Variants in CSMD3 observed in about 807,000 individuals in gnomAD.
The protein encoded by CSMD3 is CUB and Sushi multiple domains 3.
CSMD3 carries 177 observed loss-of-function variants against 435.2 expected under a neutral mutation model. The observed-to-expected ratio is 0.41, with a 90% CI of 0.36 to 0.46. The LOEUF (loss-of-function observed/expected upper bound fraction) is 0.46. Ranked by LOEUF, CSMD3 falls within the 20% of genes least tolerant of loss-of-function variation. The pLI, the probability that CSMD3 is intolerant of heterozygous loss-of-function variation, is 0.34. For synonymous variants in CSMD3, 1,656 were observed against 1,520.5 expected, an observed-to-expected ratio of 1.09 and a Z score of -2.07; for missense variants, 4,265 against 4,504.6, an observed-to-expected ratio of 0.95 and a Z score of 1.52.
chr8:112,254,081 T>G (rs1815547315), intron 63 of CSMD3, among the ~76,000 whole-genome samples, 172 bp downstream of exon 63: 1 of 152,044 alleles, frequency 6.6e-6, no homozygotes, highest in African/African-American at 2.4e-5. Flanking sequence ...AAAAAAATTT[T>G]TTTTTCTAAT....
At chr8:113,214,930 A>G (rs953259940) in intron 3 of CSMD3, among the ~76,000 whole-genome samples, 4 of 151,874 alleles carry the variant, frequency 2.6e-5, no homozygotes, top group African/African-American at 9.7e-5. Flanking sequence ...AATTCTATAT[A>G]TAACAAGGTG....
intron 38 of CSMD3, among the ~76,000 whole-genome samples, chr8:112,357,667 T>C (rs1826762868): frequency 6.6e-6 from 1 of 151,868 alleles, no homozygotes; most frequent in African/African-American, 2.4e-5. Flanking sequence ...TTGATGACCT[T>C]CATCCCAGCC....
intron 13 of CSMD3, among the ~76,000 whole-genome samples, chr8:112,704,130 AT>A (rs898214756): frequency 2.6e-5 from 4 of 152,176 alleles, no homozygotes; most frequent in African/African-American, 9.6e-5. Flanking sequence ...ACTCTAAAAA[AT>A]ACATATTTAA....
chr8:112,607,267 T>A (rs773680672), intron 22 of CSMD3, among the ~76,000 whole-genome samples: 102 of 151,810 alleles, frequency 6.7e-4, no homozygotes, highest in Non-Finnish European at 1.1e-3. Context: ...AAGAAAAACA[T>A]GACTTACAAA....
intron 10 of CSMD3, among the ~76,000 whole-genome samples, chr8:112,910,221 G>A (rs1026020045): frequency 2.0e-5 from 3 of 151,668 alleles, no homozygotes; most frequent in Admixed American, 6.6e-5. Context: ...TGATTTTCAC[G>A]TGCAGCCAGG....
At chr8:112,531,572 T>A (rs1024915036) in intron 27 of CSMD3, among the ~76,000 whole-genome samples, 19 of 152,070 alleles carry the variant, frequency 1.2e-4, no homozygotes, top group Admixed American at 1.2e-3. Context: ...ACCCAAGAAA[T>A]TTTCCATGAT....
At chr8:112,294,369 C>T (rs1260557239) in intron 54 of CSMD3, among the ~76,000 whole-genome samples, 1 of 151,852 alleles carries the variant, frequency 6.6e-6, no homozygotes, top group Non-Finnish European at 1.5e-5. Flanking sequence ...TCCTATGATC[C>T]TATTATAATT....
chr8:113,098,540 CT>C (rs2090234092), intron 5 of CSMD3: 1 of 556,244 alleles, frequency 1.8e-6, no homozygotes, highest in Admixed American at 3.1e-5. Context: ...ATAGGAATAA[CT>C]TTTATTTGTT....
At chr8:112,976,183 T>C (rs1319690764) in intron 6 of CSMD3, 35 bp from the exon 7 acceptor site, 1 of 1,608,806 alleles carries the variant, frequency 6.2e-7, no homozygotes, top group South Asian at 1.1e-5. Flanking sequence ...GCTAACTTTT[T>C]CTTTTTAAAT....
chr8:112,635,523 A>G (rs2131575578), intron 22 of CSMD3, among the ~76,000 whole-genome samples: 1 of 152,102 alleles, frequency 6.6e-6, no homozygotes, highest in East Asian at 1.9e-4. Flanking sequence ...TAAAAAAAAA[A>G]ATGCACCCTG....
intron 13 of CSMD3, among the ~76,000 whole-genome samples, chr8:112,799,406 A>C (rs1296074135): frequency 1.3e-5 from 2 of 152,112 alleles, no homozygotes; most frequent in East Asian, 1.9e-4. Flanking sequence ...CCACAATAGT[A>C]ATGATAATTC....
At chr8:112,364,115 G>C (rs1827523566) in intron 38 of CSMD3, among the ~76,000 whole-genome samples, 1 of 151,918 alleles carries the variant, frequency 6.6e-6, no homozygotes, top group Non-Finnish European at 1.5e-5. Context: ...CTCGAGGATG[G>C]GAAGCAGTAA....
intron 12 of CSMD3, among the ~76,000 whole-genome samples, chr8:112,816,251 A>G (rs1468215295): frequency 6.6e-6 from 1 of 152,156 alleles, no homozygotes; most frequent in East Asian, 1.9e-4. Flanking sequence ...GGAAAATCTG[A>G]GATGAATAGA....
rs754623316 is a variant in CSMD3 at position 112,263,756 on chromosome 8, A to G, written c.9745T>C (p.Phe3249Leu). Residue 3249 changes from phenylalanine to leucine, a missense_variant, in exon 61 of 71, where the codon TTC (phenylalanine) becomes CTC (leucine). Physicochemically the swap from Phe to Leu is conservative, Grantham distance 22 (BLOSUM62 0). This residue lies in a region of CSMD3 where 3,255 missense variants were observed against 3,380.2 expected (regional missense o/e 0.96). Transcript: ENST00000297405. ...TAGCTAATACTAAAGCCCCAGTCGA[A>G]ATTTGTTCCTTCCAGCCTTCCATTA... ...ISNGRLEGTNFDWGFSISYIC... is the reference protein window; with the variant it reads ...ISNGRLEGTNLDWGFSISYIC... 1 of 1,613,862 alleles carries G rather than the reference A, an allele frequency of 6.2e-7. No individual in the cohort carries two copies. Among genetic ancestry groups the G allele is most frequent in the Non-Finnish European group, 8.5e-7 (1 of 1,179,820 alleles).
chr8:112,783,925 C>T (rs1237121893), intron 13 of CSMD3, among the ~76,000 whole-genome samples: 2 of 151,600 alleles, frequency 1.3e-5, no homozygotes, highest in Non-Finnish European at 2.9e-5. Context: ...GTACTCAACA[C>T]CAGAGCACTC....
intron 18 of CSMD3, 38 bp from the exon 19 acceptor site, chr8:112,650,387 G>A (rs2075094737): frequency 6.5e-7 from 1 of 1,531,236 alleles, no homozygotes; most frequent in South Asian, 1.1e-5. Context: ...AGTAAGCTTG[G>A]TGGGATTTGG....
At chr8:112,900,389 T>A (rs964998530) in intron 10 of CSMD3, among the ~76,000 whole-genome samples, 2 of 151,290 alleles carry the variant, frequency 1.3e-5, no homozygotes, top group African/African-American at 4.8e-5. Flanking sequence ...TCTGGAGCAA[T>A]AGGACAGGCA....
intron 13 of CSMD3, among the ~76,000 whole-genome samples, chr8:112,745,160 A>C (rs2077398145): frequency 6.6e-6 from 1 of 152,042 alleles, no homozygotes; most frequent in Admixed American, 6.6e-5. Flanking sequence ...GAGAGTGGGA[A>C]TAACTGTGAC....
chr8:112,763,334 G>A (rs2132158173), intron 13 of CSMD3, among the ~76,000 whole-genome samples: 1 of 151,244 alleles, frequency 6.6e-6, no homozygotes, highest in African/African-American at 2.4e-5. Flanking sequence ...TTGGTACAGA[G>A]CTCAAGAAAG....
Sources: gnomAD v4.1 joint callset for allele counts (sites outside exome capture counted in the v4.1 genomes callset) on GRCh38, gnomAD v4.1.1 for gene constraint, gnomAD v4.1.1 regional missense constraint, MANE v1.5 for transcripts, NCBI Gene and HGNC (gene_info 2026-07-23, HGNC 2026-07-21) for gene names.